Variants in KBTBD3 observed in about 807,000 individuals in gnomAD.
The protein encoded by KBTBD3 is kelch repeat and BTB domain-containing protein 3.
Under a neutral mutation model 49.6 loss-of-function variants are expected in KBTBD3, and 38 were observed. The ratio of observed to expected loss-of-function variants is 0.77; its 90% CI spans 0.59 to 1.00. KBTBD3 has a LOEUF of 1.00. Ranked by LOEUF, KBTBD3 falls within the 50% of genes least tolerant of loss-of-function variation. The probability of loss-of-function intolerance (pLI) is 0.00; values close to 1 mark genes in which losing one functional copy is unlikely to be tolerated. For synonymous variants in KBTBD3, 214 were observed against 250.4 expected, an observed-to-expected ratio of 0.85 and a Z score of 1.37; for missense variants, 661 against 712.0, an observed-to-expected ratio of 0.93 and a Z score of 0.81.
chr11:106,075,427 G>GTATACAT (rs1386429834), intron 2 of KBTBD3: 1 of 152,106 alleles, frequency 6.6e-6, no homozygotes, highest in East Asian at 1.9e-4. Flanking sequence ...TTTGTAAAAG[G>GTATACAT]TATACATGAC....
chr11:106,065,461 C>T (rs898852525), intron 2 of KBTBD3, among the ~76,000 whole-genome samples: 3 of 152,096 alleles, frequency 2.0e-5, no homozygotes, highest in South Asian at 4.1e-4. Context: ...GAAGAATTCA[C>T]ATGGAACAGT....
chr11:106,073,012 G>A (rs144381972), intron 2 of KBTBD3, among the ~76,000 whole-genome samples: 2 of 152,216 alleles, frequency 1.3e-5, no homozygotes, highest in African/African-American at 2.4e-5. Context: ...TGAACAATGG[G>A]GCATTCAATT....
At chr11:106,073,006 C>T (rs1378099153) in intron 2 of KBTBD3, among the ~76,000 whole-genome samples, 1 of 152,052 alleles carries the variant, frequency 6.6e-6, no homozygotes, top group Non-Finnish European at 1.5e-5. Context: ...TAAAAATGAA[C>T]AATGGGGCAT....
intron 2 of KBTBD3, among the ~76,000 whole-genome samples, chr11:106,060,246 A>G (rs937672790): frequency 2.6e-5 from 4 of 151,938 alleles, no homozygotes; most frequent in African/African-American, 7.2e-5. Flanking sequence ...TTTAATACAC[A>G]TATTCATATA....
intron 2 of KBTBD3, among the ~76,000 whole-genome samples, chr11:106,063,728 C>T (rs546773526): frequency 5.9e-5 from 9 of 152,130 alleles, no homozygotes; most frequent in South Asian, 4.2e-4. Context: ...GTCAAGAGAT[C>T]GACACCATCC....
chr11:106,059,722 G>T (rs1392531229), intron 2 of KBTBD3, among the ~76,000 whole-genome samples: 1 of 152,162 alleles, frequency 6.6e-6, no homozygotes, highest in Non-Finnish European at 1.5e-5. Context: ...AATTAAGAAA[G>T]ATTTTTTAAA....
chr11:106,055,346 A>T (rs1860530314), intron 3 of KBTBD3, among the ~76,000 whole-genome samples: 1 of 152,144 alleles, frequency 6.6e-6, no homozygotes, highest in Non-Finnish European at 1.5e-5. Flanking sequence ...ATTGTCCAGG[A>T]TGTCTTTCTG....
intron 3 of KBTBD3, chr11:106,058,069 G>T (rs747585989): frequency 1.8e-4 from 73 of 398,180 alleles, no homozygotes; most frequent in Middle Eastern, 6.2e-4. Flanking sequence ...GTTAAAAAAA[G>T]GTAGTCTTAA....
chr11:106,060,024 A>G (rs1239819636), intron 2 of KBTBD3, among the ~76,000 whole-genome samples: 1 of 152,204 alleles, frequency 6.6e-6, no homozygotes, highest in East Asian at 1.9e-4. Flanking sequence ...AACTACAGGC[A>G]AATGGCAGCT....
At position 106,052,389 on chromosome 11, in the gene KBTBD3, G is replaced by A. The variant is rs972521057; in HGVS notation, c.*461C>T. On this transcript the variant is annotated 3_prime_UTR_variant, in exon 4 of 4. Transcript: ENST00000531837. ...TTTCTGAACTAAAAAAGGGTAAAAA[G>A]GGTACCTAAAAGAAGTTAACCAATC... The A allele has an allele frequency of 1.3e-5, 2 of 152,768 alleles. No individual in the cohort carries two copies. The highest frequency in any genetic ancestry group is 4.8e-5 in the African/African-American group (2 of 41,336). The allele number at this position is 152,768 out of a possible 1,614,324, so 9.5% of individuals were successfully genotyped here. A position where few individuals can be genotyped will look rare whatever the true frequency, so the allele number is the denominator to read the frequency against.
rs145308642 is a variant in KBTBD3 at position 106,057,826 on chromosome 11, G to GT, written c.233+1038dup. On this transcript the variant is annotated intron_variant, in intron 3 of 3. Coordinates refer to ENST00000531837, the MANE Select transcript of KBTBD3 (RefSeq NM_198439.3). ...AAATCGGTTAGACCCTCCTCTCCCCGTAATACATGAATACAACACAGGACG... is the reference window on the plus strand; with the variant it reads ...AAATCGGTTAGACCCTCCTCTCCCCGTTAATACATGAATACAACACAGGACG... 189 of 369,096 alleles carry GT rather than the reference G, an allele frequency of 5.1e-4. 2 individuals carry two copies. In the East Asian group the frequency reaches 7.1e-3, roughly 14 times the overall value. 22.9% of individuals were successfully genotyped at this position (369,096 alleles called of 1,614,324 possible).
chr11:106,077,033 G>C (rs1003123286), intron 1 of KBTBD3, among the ~76,000 whole-genome samples: 1 of 152,160 alleles, frequency 6.6e-6, no homozygotes, highest in Non-Finnish European at 1.5e-5. Context: ...AGGGTTTCAG[G>C]TAGGCTGCTG....
At chr11:106,060,260 C>A (rs1653789843) in intron 2 of KBTBD3, among the ~76,000 whole-genome samples, 2 of 151,244 alleles carry the variant, frequency 1.3e-5, no homozygotes, top group Admixed American at 6.6e-5. Context: ...TCATATATAT[C>A]CATTTTATAT....
Position 106,053,380 on chromosome 11 carries a change from C to T in KBTBD3, c.1309G>A (p.Val437Ile). The change falls in exon 4 of 4, where the codon GTT becomes ATT. Residue 437 changes from valine (V) to isoleucine (I), a missense_variant. Coordinates refer to ENST00000531837, the MANE Select transcript of KBTBD3 (RefSeq NM_198439.3). ...YNPLSKEWIS[V>I]SPLPRGIYYP... ...TATATGCCTCTGGGTAATGGGCTAA[C>T]AGATATCCATTCTTTGGAAAGAGGA... The T allele has an allele frequency of 4.3e-6, 7 of 1,613,334 alleles. No individual in the cohort carries two copies. Among genetic ancestry groups the T allele is most frequent in the Non-Finnish European group, 5.9e-6 (7 of 1,179,788 alleles).
intron 2 of KBTBD3, among the ~76,000 whole-genome samples, chr11:106,069,598 A>G (rs558935664): frequency 6.6e-6 from 1 of 152,162 alleles, no homozygotes; most frequent in South Asian, 2.1e-4. Context: ...AAATGCTAAA[A>G]AAAAAAATAA....
chr11:106,066,809 C>CA (rs372725017), intron 2 of KBTBD3, among the ~76,000 whole-genome samples: 23 of 146,388 alleles, frequency 1.6e-4, no homozygotes, highest in South Asian at 4.3e-4. Context: ...CTGCTAAGTA[C>CA]AAAAAAAACA....
chr11:106,065,357 T>G (rs527932038), intron 2 of KBTBD3, among the ~76,000 whole-genome samples: 6 of 152,270 alleles, frequency 3.9e-5, no homozygotes, highest in African/African-American at 1.4e-4. Flanking sequence ...TGTGGAGCAC[T>G]TGCTACATAC....
intron 2 of KBTBD3, among the ~76,000 whole-genome samples, chr11:106,067,142 C>T: frequency 6.6e-6 from 1 of 152,150 alleles, no homozygotes; most frequent in Non-Finnish European, 1.5e-5. Flanking sequence ...GAAATAACCA[C>T]TCCACCAGAG....
chr11:106,074,115 C>T (rs910740974), intron 2 of KBTBD3, among the ~76,000 whole-genome samples: 1 of 83,670 alleles, frequency 1.2e-5, no homozygotes, highest in South Asian at 4.7e-4. Flanking sequence ...GCCGAACACC[C>T]CCCCCCACAC....
Sources: allele counts gnomAD v4.1 joint callset (sites outside exome capture counted in the v4.1 genomes callset), GRCh38; gene constraint gnomAD v4.1.1; transcripts MANE v1.5; gene names NCBI Gene and HGNC (gene_info 2026-07-23, HGNC 2026-07-21).